KCNQ5: variants seen among roughly 807,000 people sequenced by gnomAD.
The protein encoded by KCNQ5 is potassium voltage-gated channel subfamily KQT member 5.
Under a neutral mutation model 98.2 loss-of-function variants are expected in KCNQ5, and 30 were observed. The ratio of observed to expected loss-of-function variants is 0.31; its 90% CI spans 0.23 to 0.41. The LOEUF (loss-of-function observed/expected upper bound fraction) is 0.41, where lower values mean the gene tolerates loss of function less well. KCNQ5 is among the 10% of genes least tolerant of loss of function. The pLI is 1.00. For missense variants in KCNQ5, 835 were observed against 1,182.5 expected (o/e 0.71, Z 4.31); for synonymous variants, 458 against 449.4 (o/e 1.02, Z -0.24).
At chr6:73,158,035 C>G in intron 10 of KCNQ5, 1 of 685,058 alleles carries the variant, frequency 1.5e-6, no homozygotes, top group Non-Finnish European at 2.7e-6. Flanking sequence ...ATGGGGAGGC[C>G]GCTGATAGTG....
intron 1 of KCNQ5, among the ~76,000 whole-genome samples, chr6:72,676,789 G>A (rs181139101): frequency 1.0e-4 from 13 of 127,170 alleles, no homozygotes; most frequent in African/African-American, 2.2e-4. Context: ...AAATCAATGT[G>A]TCAAGATTCT....
At chr6:72,871,185 A>G (rs2150162548) in intron 1 of KCNQ5, among the ~76,000 whole-genome samples, 1 of 152,322 alleles carries the variant, frequency 6.6e-6, no homozygotes, top group East Asian at 1.9e-4. Context: ...ATTTTATAGA[A>G]GACTGAACCA....
chr6:72,662,604 CT>C (rs35194114), intron 1 of KCNQ5, among the ~76,000 whole-genome samples: 30,794 of 148,582 alleles, frequency 0.21, 4,392 homozygotes, highest in East Asian at 0.51. Context: ...TTGGAAATAA[CT>C]TTTTTTTTTT....
intron 1 of KCNQ5, among the ~76,000 whole-genome samples, chr6:72,942,691 G>T (rs542210101): frequency 6.6e-6 from 1 of 152,102 alleles, no homozygotes. Context: ...TTTTCCTCCC[G>T]TGTTCACTGT....
chr6:72,710,189 C>G (rs1382851704), intron 1 of KCNQ5, among the ~76,000 whole-genome samples: 17 of 152,130 alleles, frequency 1.1e-4, no homozygotes, highest in Admixed American at 1.1e-3. Context: ...CAACTGGAAG[C>G]CTACCCAAGG....
At chr6:72,766,113 A>G (rs777410179) in intron 1 of KCNQ5, among the ~76,000 whole-genome samples, 7 of 152,016 alleles carry the variant, frequency 4.6e-5, no homozygotes, top group Admixed American at 1.3e-4. Flanking sequence ...ATGGTCAGGG[A>G]AGACTTCTGC....
chr6:72,954,843 A>C (rs536094893), intron 1 of KCNQ5, among the ~76,000 whole-genome samples: 69 of 152,336 alleles, frequency 4.5e-4, no homozygotes, highest in African/African-American at 1.5e-3. Flanking sequence ...AAAGAAGGGC[A>C]AGCCTCACTG....
chr6:72,691,282 A>G (rs1276448626), intron 1 of KCNQ5, among the ~76,000 whole-genome samples: 1 of 152,204 alleles, frequency 6.6e-6, no homozygotes, highest in Non-Finnish European at 1.5e-5. Context: ...TCATTTAAAA[A>G]CCGATTTATA....
chr6:73,121,798 T>C (rs1412353603), intron 8 of KCNQ5, among the ~76,000 whole-genome samples: 3 of 152,198 alleles, frequency 2.0e-5, no homozygotes, highest in Non-Finnish European at 4.4e-5. Flanking sequence ...ACTACATTAC[T>C]TCCCTGTTCT....
Position 72,622,149 on chromosome 6 carries a change from G to T in KCNQ5, c.-41G>T, listed in dbSNP as rs2098915464. ...CGCACATGAGGCCGCTGCCCCCGCC[G>T]CAGGCGCTGGCGGCCCCCTCGCGGT... is the stretch of plus-strand genomic sequence containing the variant. On this transcript the variant is annotated 5_prime_UTR_variant, in exon 1 of 14. Coordinates refer to ENST00000370398, the MANE Select transcript of KCNQ5 (RefSeq NM_019842.4). This position sits in a 1 kb window ranked among gnomAD's most constrained non-coding sequence, Gnocchi z 6.0. 8.2e-7 allele frequency: 1 copy of T among 1,212,572 alleles called. No individual in the cohort carries two copies. Among genetic ancestry groups the T allele is most frequent in the Admixed American group, 4.3e-5 (1 of 23,044 alleles). The allele number at this position is 1,212,572 out of a possible 1,614,324, so 75.1% of individuals were successfully genotyped here.
chr6:72,966,791 C>A (rs1011033400), intron 1 of KCNQ5, among the ~76,000 whole-genome samples: 1 of 152,146 alleles, frequency 6.6e-6, no homozygotes, highest in Non-Finnish European at 1.5e-5. Context: ...TTACTCCATA[C>A]AGACTGTGTT....
chr6:72,627,079 G>T (rs2098918320), intron 1 of KCNQ5, among the ~76,000 whole-genome samples: 1 of 152,176 alleles, frequency 6.6e-6, no homozygotes, highest in Non-Finnish European at 1.5e-5. Context: ...ACAAGGCACA[G>T]TCTATTTCCA....
intron 5 of KCNQ5, among the ~76,000 whole-genome samples, chr6:73,104,779 C>T (rs1774935463): frequency 6.6e-6 from 1 of 152,144 alleles, no homozygotes; most frequent in African/African-American, 2.4e-5. Context: ...TGGCATGTTT[C>T]TCTTATTAGG....
At chr6:72,658,578 A>ATATATTTTTTTTTTT (rs1226386362) in intron 1 of KCNQ5, among the ~76,000 whole-genome samples, 2 of 76,380 alleles carry the variant, frequency 2.6e-5, no homozygotes, top group African/African-American at 4.4e-5. Flanking sequence ...ATATATATAT[A>ATATATTTTTTTTTTT]TTTTTTTTTT....
intron 1 of KCNQ5, among the ~76,000 whole-genome samples, chr6:72,815,868 C>G (rs1775488262): frequency 6.6e-6 from 1 of 152,170 alleles, no homozygotes; most frequent in Non-Finnish European, 1.5e-5. Flanking sequence ...GGAAAGATGA[C>G]AAGTTTAACT....
intron 2 of KCNQ5, among the ~76,000 whole-genome samples, chr6:73,011,119 C>T (rs1242706338): frequency 6.6e-6 from 1 of 152,054 alleles, no homozygotes; most frequent in African/African-American, 2.4e-5. Context: ...TTAAAACTTA[C>T]TACTACAAAG....
chr6:72,725,849 A>G (rs935377804), intron 1 of KCNQ5, among the ~76,000 whole-genome samples: 4 of 152,190 alleles, frequency 2.6e-5, no homozygotes, highest in African/African-American at 9.7e-5. Context: ...ATCACCAAAG[A>G]TAGTGTCTTT....
intron 1 of KCNQ5, among the ~76,000 whole-genome samples, chr6:72,995,777 G>A (rs987902731): frequency 4.2e-4 from 64 of 152,166 alleles, no homozygotes; most frequent in African/African-American, 1.5e-3. Context: ...CAAATATAAA[G>A]ACTTTCCAGA....
chr6:72,968,269 T>C (rs75395526), intron 1 of KCNQ5, among the ~76,000 whole-genome samples: 68 of 152,258 alleles, frequency 4.5e-4, no homozygotes, highest in Non-Finnish European at 7.8e-4. Flanking sequence ...AAAAATCTCT[T>C]GGGATAGTGG....
Sources: allele counts gnomAD v4.1 joint callset (sites outside exome capture counted in the v4.1 genomes callset), GRCh38; gene constraint gnomAD v4.1.1; non-coding constraint Gnocchi (gnomAD v3.1); transcripts MANE v1.5; gene names NCBI Gene and HGNC (gene_info 2026-07-23, HGNC 2026-07-21).